Variants in COBLL1 observed in about 807,000 individuals in gnomAD.
The protein encoded by COBLL1 is cordon-bleu protein-like 1.
Under a neutral mutation model 94.8 loss-of-function variants are expected in COBLL1, and 50 were observed. That is an observed-to-expected ratio of 0.53 (90% confidence interval 0.42 to 0.67). COBLL1 has a LOEUF of 0.67. Ranked by LOEUF, COBLL1 falls within the 30% of genes least tolerant of loss-of-function variation. The pLI, the probability that COBLL1 is intolerant of heterozygous loss-of-function variation, is 0.00. For missense variants in COBLL1, 1,362 were observed against 1,348.7 expected, an observed-to-expected ratio of 1.01 and a Z score of -0.15; for synonymous variants, 448 against 473.8, an observed-to-expected ratio of 0.95 and a Z score of 0.71.
chr2:164,735,872 A>G (rs2105537147), intron 3 of COBLL1, among the ~76,000 whole-genome samples: 1 of 152,264 alleles, frequency 6.6e-6, no homozygotes, highest in Admixed American at 6.5e-5. Flanking sequence ...AGTCCATCTA[A>G]AACCTGAGGC....
chr2:164,697,923 T>C (rs1250261380), intron 11 of COBLL1: 1 of 152,008 alleles, frequency 6.6e-6, no homozygotes, highest in Non-Finnish European at 1.5e-5. Context: ...TACTCAAAAG[T>C]GACACTGACA....
chr2:164,681,770 C>T lies in COBLL1; in HGVS notation c.*4176G>A, dbSNP rs1318936508. On this transcript the variant is annotated 3_prime_UTR_variant, in exon 14 of 14. Transcript: ENST00000652658. ...TCTCCAAGAAAAGTAATTAGCAAGA[C>T]TTACAAATGATTTTTTCCAGTTTGT... 3 of 152,122 alleles carry T rather than the reference C, an allele frequency of 2.0e-5. No homozygotes were observed. The highest frequency in any genetic ancestry group is 4.4e-5 in the Non-Finnish European group (3 of 68,020). 9.4% of individuals were successfully genotyped at this position (152,122 alleles called of 1,614,324 possible). A position where few individuals can be genotyped will look rare whatever the true frequency, so the allele number is the denominator to read the frequency against.
rs888040870 is a variant in COBLL1, at chr2:164,805,293, C to G, written c.41+35863G>C. ...TATATTATTCTCTCTGTCTGTCTCT[C>G]TCTCTCTCTCTCTCTCTCTCTCTCT... On this transcript the variant is annotated intron_variant, in intron 2 of 13. Coordinates refer to ENST00000652658, the MANE Select transcript of COBLL1 (RefSeq NM_001365672.2). 6.4e-3 allele frequency among the ~76,000 whole-genome samples: 110 copies of G among 17,110 alleles called. 7 individuals are homozygous for G. Among genetic ancestry groups the G allele is most frequent in the African/African-American group, 0.013 (44 of 3,342 alleles). 11.2% of individuals were successfully genotyped at this position (17,110 alleles called of 152,430 possible). A position where few individuals can be genotyped will look rare whatever the true frequency, so the allele number is the denominator to read the frequency against.
In COBLL1 at chr2:164,805,337, C is replaced by CTCTA. The variant is rs758137553; in HGVS notation, c.41+35818_41+35819insTAGA. 1.0e-3 allele frequency among the ~76,000 whole-genome samples: 17 copies of CTCTA among 17,054 alleles called. 1 individual carries two copies. Among genetic ancestry groups the CTCTA allele is most frequent in the Non-Finnish European group, 1.7e-3 (16 of 9,566 alleles). The allele number at this position is 17,054 out of a possible 152,430, so 11.2% of individuals were successfully genotyped here. On this transcript the variant is annotated intron_variant, in intron 2 of 13. Coordinates refer to ENST00000652658, the MANE Select transcript of COBLL1 (RefSeq NM_001365672.2). ...TCTCTCTCTCTCTCTCTCTCTCTCTCTATATATATATATATATATATATAT... is the reference window on the plus strand; with the variant it reads ...TCTCTCTCTCTCTCTCTCTCTCTCTCTCTATATATATATATATATATATATATAT...
At chr2:164,737,167 A>G (rs1686351236) in intron 3 of COBLL1, among the ~76,000 whole-genome samples, 1 of 152,160 alleles carries the variant, frequency 6.6e-6, no homozygotes, top group South Asian at 2.1e-4. Flanking sequence ...GTCTCTAGAA[A>G]AATTTAAAAA....
chr2:164,658,954 C>T (rs1466146434), intron 2 of COBLL1, among the ~76,000 whole-genome samples: 3 of 152,090 alleles, frequency 2.0e-5, no homozygotes, highest in Admixed American at 6.5e-5. Context: ...ATTTCCCTTT[C>T]CCTTCCTTTC....
At chr2:164,801,659 A>C (rs999408458) in intron 2 of COBLL1, among the ~76,000 whole-genome samples, 1 of 152,070 alleles carries the variant, frequency 6.6e-6, no homozygotes, top group Non-Finnish European at 1.5e-5. Flanking sequence ...GTATACACCC[A>C]ACAAAAGTCA....
chr2:164,776,951 A>G (rs1464982556), intron 2 of COBLL1, among the ~76,000 whole-genome samples: 2 of 152,206 alleles, frequency 1.3e-5, no homozygotes, highest in Non-Finnish European at 2.9e-5. Flanking sequence ...ACAGAAAAGT[A>G]GTAAAGTAAC....
At chr2:164,676,038 G>T (rs1691330373), downstream of COBLL1, among the ~76,000 whole-genome samples, 1 of 151,884 alleles carries the variant, frequency 6.6e-6, no homozygotes, top group Non-Finnish European at 1.5e-5. Context: ...TAGAGTACAG[G>T]GATTAACAAC....
intron 2 of COBLL1, among the ~76,000 whole-genome samples, chr2:164,809,985 T>C (rs1684382574): frequency 6.6e-6 from 1 of 151,802 alleles, no homozygotes; most frequent in African/African-American, 2.4e-5. Flanking sequence ...TATCTTCTTT[T>C]ACTTTGAGAT....
intron 2 of COBLL1, among the ~76,000 whole-genome samples, chr2:164,818,215 T>G (rs1302261066): frequency 7.1e-6 from 1 of 141,650 alleles, no homozygotes; most frequent in Non-Finnish European, 1.5e-5. Flanking sequence ...TGTGTGTATA[T>G]ATACATATAT....
intron 2 of COBLL1, among the ~76,000 whole-genome samples, chr2:164,803,524 C>T (rs1468058692): frequency 8.6e-5 from 13 of 150,904 alleles, no homozygotes; most frequent in African/African-American, 3.2e-4. Flanking sequence ...GAGATCCCGC[C>T]ACTGCACTCC....
intron 7 of COBLL1, 157 bp downstream of exon 7, chr2:164,721,918 G>C: frequency 6.0e-6 from 3 of 503,392 alleles, no homozygotes; most frequent in Non-Finnish European, 1.0e-5. Context: ...CTTAGAATGA[G>C]CTATTCATCT....
chr2:164,703,101 T>C, intron 9 of COBLL1: 1 of 1,589,724 alleles, frequency 6.3e-7, no homozygotes, highest in Non-Finnish European at 8.6e-7. Flanking sequence ...CCTGACCACC[T>C]ACATGTCAAT....
chr2:164,755,318 A>G (rs1193797519), intron 2 of COBLL1, among the ~76,000 whole-genome samples: 1 of 152,214 alleles, frequency 6.6e-6, no homozygotes, highest in Non-Finnish European at 1.5e-5. Context: ...ATAGTTTCCA[A>G]AGTACATCAC....
At chr2:164,776,625 C>T (rs1408958403) in intron 2 of COBLL1, among the ~76,000 whole-genome samples, 1 of 151,858 alleles carries the variant, frequency 6.6e-6, no homozygotes, top group African/African-American at 2.4e-5. Context: ...CAACCTGGTT[C>T]CCCCTCAGAA....
intron 10 of COBLL1, 28 bp from the exon 11 acceptor site, chr2:164,699,527 T>C (rs1412587862): frequency 7.5e-7 from 1 of 1,335,284 alleles, no homozygotes. Flanking sequence ...GTATGTTATA[T>C]GTTGATACTA....
chr2:164,839,145 AACT>A (rs1007453451), intron 2 of COBLL1, among the ~76,000 whole-genome samples: 2 of 152,202 alleles, frequency 1.3e-5, no homozygotes, highest in Non-Finnish European at 2.9e-5. Context: ...AAAATGATAG[AACT>A]ACTGTGTTAT....
At chr2:164,743,617 G>C (rs754831585) in intron 3 of COBLL1, 70 bp downstream of exon 3, 2 of 1,190,080 alleles carry the variant, frequency 1.7e-6, no homozygotes, top group Middle Eastern at 1.9e-4. Context: ...ACATCAAGAC[G>C]TATATCACAG....
Sources: gnomAD v4.1 joint callset for allele counts (sites outside exome capture counted in the v4.1 genomes callset) on GRCh38, gnomAD v4.1.1 for gene constraint, MANE v1.5 for transcripts, NCBI Gene and HGNC (gene_info 2026-07-23, HGNC 2026-07-21) for gene names.